Variants in CACNB2 observed in about 807,000 individuals in gnomAD.
CACNB2 encodes calcium voltage-gated channel auxiliary subunit beta 2.
Under a neutral mutation model 73.3 loss-of-function variants are expected in CACNB2, and 42 were observed. The observed-to-expected ratio is 0.57, with a 90% CI of 0.45 to 0.74. The LOEUF (loss-of-function observed/expected upper bound fraction) is 0.74. Ranked by LOEUF, CACNB2 falls within the 30% of genes least tolerant of loss-of-function variation. CACNB2 has a pLI of 0.00. For synonymous variants in CACNB2, 348 were observed against 310.3 expected (o/e 1.12, Z -1.28); for missense variants, 940 against 853.0 (o/e 1.10, Z -1.27).
chr10:18,252,357 A>G (rs115943714), intron 2 of CACNB2, among the ~76,000 whole-genome samples: 239 of 151,664 alleles, frequency 1.6e-3, no homozygotes, highest in African/African-American at 5.4e-3. Flanking sequence ...TCTTTTGAGC[A>G]TTTGGTTTAT....
At chr10:18,338,340 G>C (rs181531901) in intron 2 of CACNB2, among the ~76,000 whole-genome samples, 1 of 152,296 alleles carries the variant, frequency 6.6e-6, no homozygotes, top group East Asian at 1.9e-4. Context: ...TCAGGGAAAT[G>C]CAAGTCAAAA....
intron 2 of CACNB2, among the ~76,000 whole-genome samples, chr10:18,249,176 A>T (rs925145824): frequency 8.5e-5 from 13 of 152,158 alleles, no homozygotes; most frequent in African/African-American, 3.1e-4. Flanking sequence ...CACTACTGCT[A>T]CCATTAAATC....
intron 2 of CACNB2, among the ~76,000 whole-genome samples, chr10:18,348,364 A>G (rs750722737): frequency 6.6e-6 from 1 of 152,236 alleles, no homozygotes; most frequent in Non-Finnish European, 1.5e-5. Context: ...AAAATGATTT[A>G]ATTAAGATAC....
chr10:18,371,811 T>C (rs1332055269), intron 2 of CACNB2, among the ~76,000 whole-genome samples: 1 of 152,208 alleles, frequency 6.6e-6, no homozygotes, highest in African/African-American at 2.4e-5. Flanking sequence ...TAGTTTACAG[T>C]CCCACCAACA....
At chr10:18,328,369 A>G (rs2040667067) in intron 2 of CACNB2, among the ~76,000 whole-genome samples, 1 of 152,206 alleles carries the variant, frequency 6.6e-6, no homozygotes, top group Non-Finnish European at 1.5e-5. Context: ...CTGTGATTCC[A>G]CTTTGCAGCA....
intron 2 of CACNB2, among the ~76,000 whole-genome samples, chr10:18,218,289 T>A (rs1408989619): frequency 6.6e-6 from 1 of 152,198 alleles, no homozygotes; most frequent in Non-Finnish European, 1.5e-5. Context: ...TCAATTCAAT[T>A]AAACAACCTA....
At chr10:18,302,480 C>T (rs751361135) in intron 2 of CACNB2, among the ~76,000 whole-genome samples, 6 of 152,122 alleles carry the variant, frequency 3.9e-5, no homozygotes, top group Non-Finnish European at 5.9e-5. Flanking sequence ...GATAGAGAAA[C>T]TGTGCGATAT....
chr10:18,165,891 A>G (rs573958001), intron 2 of CACNB2, among the ~76,000 whole-genome samples: 21 of 152,324 alleles, frequency 1.4e-4, no homozygotes, highest in African/African-American at 5.1e-4. Flanking sequence ...TAGATTGACC[A>G]TAGATGTTTA....
intron 12 of CACNB2, 47 bp downstream of exon 12, chr10:18,536,243 C>CTTTTCTTTTTTTTTTTTTTTTTTTTTTTT (rs1327787339): frequency 2.1e-5 from 6 of 283,214 alleles, no homozygotes; most frequent in African/African-American, 1.3e-4. Context: ...GAGATCAGAC[C>CTTTTCTTTTTTTTTTTTTTTTTTTTTTTT]TTTTTTTTTT....
At chr10:18,527,517 G>A in intron 9 of CACNB2, 71 bp from the exon 10 acceptor site, 1 of 894,396 alleles carries the variant, frequency 1.1e-6, no homozygotes, top group Middle Eastern at 2.1e-4. Context: ...GATGAATTTG[G>A]GGCATACACT....
At chr10:18,182,306 C>A (rs569844321) in intron 2 of CACNB2, among the ~76,000 whole-genome samples, 15 of 151,624 alleles carry the variant, frequency 9.9e-5, no homozygotes, top group Admixed American at 8.5e-4. Context: ...GCCTGGGCAA[C>A]AGAGCAAGAC....
intron 2 of CACNB2, among the ~76,000 whole-genome samples, chr10:18,372,948 T>A (rs1289918860): frequency 6.6e-6 from 1 of 152,212 alleles, no homozygotes; most frequent in Admixed American, 6.5e-5. Context: ...TAGCTGAGAC[T>A]ACAAGTGTGA....
At chr10:18,365,096 G>C (rs1037068085) in intron 2 of CACNB2, among the ~76,000 whole-genome samples, 1 of 152,148 alleles carries the variant, frequency 6.6e-6, no homozygotes, top group African/African-American at 2.4e-5. Flanking sequence ...CACTTGTCTT[G>C]GACCTCAGAG....
At chr10:18,496,484 C>T (rs1412863275) in intron 3 of CACNB2, among the ~76,000 whole-genome samples, 3 of 152,132 alleles carry the variant, frequency 2.0e-5, no homozygotes, top group Admixed American at 2.0e-4. Context: ...GGAGAAACTG[C>T]TCCCTTCTCC....
intron 3 of CACNB2, among the ~76,000 whole-genome samples, chr10:18,426,725 G>C (rs1307469786): frequency 3.3e-5 from 5 of 152,008 alleles, no homozygotes; most frequent in Admixed American, 3.3e-4. Flanking sequence ...TTCCACTCCA[G>C]TCCTTTTAAC....
chr10:18,474,968 CT>C (rs909868753), intron 3 of CACNB2, among the ~76,000 whole-genome samples: 5 of 151,534 alleles, frequency 3.3e-5, no homozygotes, highest in Non-Finnish European at 7.4e-5. Context: ...TTCTGTCCAA[CT>C]CAACTACAGA....
At chr10:18,500,267 A>G (rs543271450) in intron 4 of CACNB2, among the ~76,000 whole-genome samples, 13 of 152,338 alleles carry the variant, frequency 8.5e-5, no homozygotes, top group African/African-American at 2.9e-4. Context: ...AAGATTTAAG[A>G]TACATATTCC....
chr10:18,458,495 C>G (rs946311711), intron 3 of CACNB2, among the ~76,000 whole-genome samples: 1 of 152,178 alleles, frequency 6.6e-6, no homozygotes, highest in Non-Finnish European at 1.5e-5. Context: ...TCAATACATG[C>G]TGGGTACATA....
chr10:18,499,617 G>A (rs7080841), intron 4 of CACNB2, among the ~76,000 whole-genome samples: 36,115 of 98,162 alleles, frequency 0.37, 7,213 homozygotes, highest in East Asian at 0.43. Context: ...CTGTCTCAAA[G>A]AAAAAAAAAA....
Sources: gnomAD v4.1 joint callset for allele counts (sites outside exome capture counted in the v4.1 genomes callset) on GRCh38, gnomAD v4.1.1 for gene constraint, MANE v1.5 for transcripts, NCBI Gene and HGNC (gene_info 2026-07-23, HGNC 2026-07-21) for gene names.